The following HAVCR1 variants were observed in gnomAD, a reference collection of about 807,000 sequenced individuals.
HAVCR1 encodes the protein T cell immunoglobin domain and mucin domain protein 1.
A neutral mutation model predicts 32.0 loss-of-function variants in HAVCR1; 34 were observed. The ratio of observed to expected loss-of-function variants is 1.06; its 90% CI spans 0.81 to 1.42. The LOEUF is 1.42. HAVCR1 is among the 40% of genes most tolerant of loss of function. The pLI, the probability that HAVCR1 is intolerant of heterozygous loss-of-function variation, is 0.00. For synonymous variants in HAVCR1, 178 were observed against 170.3 expected (o/e 1.05, Z -0.35); for missense variants, 420 against 442.3 (o/e 0.95, Z 0.45).
In HAVCR1 at chr5:157,052,395, A is replaced by C; in HGVS notation, c.639T>G (p.Pro213=). The C allele has an allele frequency of 6.2e-7, 1 of 1,614,080 alleles. No individual in the cohort carries two copies. The highest frequency in any genetic ancestry group is 8.5e-7 in the Non-Finnish European group (1 of 1,179,994). Residue 213 remains proline (P), a synonymous_variant, in exon 4 of 9, where the codon CCT becomes CCG. Transcript: ENST00000523175. ...GGTTCTGCCTGGGCAAAGGCATTGG[A>C]GGAACAAAGGTAGAGACAGTTGTTG... ...PVTTTVSTFV[P]PMPLPRQNHE...
At chr5:157,048,366 T>C (rs184081916) in intron 5 of HAVCR1, among the ~76,000 whole-genome samples, 1 of 152,296 alleles carries the variant, frequency 6.6e-6, no homozygotes, top group African/African-American at 2.4e-5. Context: ...TGTTTCCAAA[T>C]CACATAAGCT....
At chr5:157,060,873 T>G (rs1756474493), upstream of HAVCR1, among the ~76,000 whole-genome samples, 1 of 151,262 alleles carries the variant, frequency 6.6e-6, no homozygotes, top group African/African-American at 2.4e-5. Flanking sequence ...GCACTTGAAA[T>G]GTGGCTAAGG....
chr5:157,056,134 G>C (rs1225961227), intron 2 of HAVCR1, among the ~76,000 whole-genome samples: 1 of 149,938 alleles, frequency 6.7e-6, no homozygotes, highest in Non-Finnish European at 1.5e-5. Context: ...ATTTTTAGTA[G>C]AGACAGGCTA....
intron 6 of HAVCR1, among the ~76,000 whole-genome samples, chr5:157,041,313 C>T (rs895908814): frequency 6.6e-6 from 1 of 152,046 alleles, no homozygotes; most frequent in Non-Finnish European, 1.5e-5. Flanking sequence ...GCCTGGTAAA[C>T]ATGATGAAAC....
At chr5:157,039,825 G>T (rs1439437798) in intron 6 of HAVCR1, among the ~76,000 whole-genome samples, 1 of 152,110 alleles carries the variant, frequency 6.6e-6, no homozygotes, top group Non-Finnish European at 1.5e-5. Context: ...CCAGGAAAGT[G>T]ACCTACTGGG....
At chr5:157,063,113 T>G (rs1756523208), upstream of HAVCR1, among the ~76,000 whole-genome samples, 3 of 138,322 alleles carry the variant, frequency 2.2e-5, no homozygotes, top group Admixed American at 7.6e-5. Flanking sequence ...CAGAGCGAGA[T>G]TCTGTCTCAA....
rs61734035 is a variant in HAVCR1, at chr5:157,052,513, G to A, written c.521C>T (p.Thr174Met). 2.0e-3 allele frequency: 3,146 copies of A among 1,601,450 alleles called. 61 individuals are homozygous for A. In the African/African-American group the frequency reaches 0.037, roughly 19 times the overall value. ...TTVPTTMSIP[T>M]TTTVLTTMTV... The stretch of plus-strand genomic sequence containing the variant: ...CATTGTCGTCAGAACAGTCGTTGTC[G>A]TTGGAATGCTCATTGTTGTTGGAAC... The change falls in exon 4 of 9, where the codon ACG (threonine) becomes ATG (methionine). Residue 174 changes from threonine (T) to methionine (M), a missense_variant. Physicochemically the swap from Thr to Met is moderately conservative, Grantham distance 81. Coordinates refer to ENST00000523175, the MANE Select transcript of HAVCR1 (RefSeq NM_001173393.3).
chr5:157,056,069 C>T (rs539926733), intron 2 of HAVCR1, among the ~76,000 whole-genome samples: 3 of 152,012 alleles, frequency 2.0e-5, no homozygotes, highest in African/African-American at 7.2e-5. Context: ...CATGCATCAG[C>T]CTCCCAAGTA....
intron 8 of HAVCR1, 59 bp from the exon 9 acceptor site, chr5:157,029,900 C>T (rs1251853562): frequency 1.4e-6 from 2 of 1,428,406 alleles, no homozygotes; most frequent in Non-Finnish European, 9.7e-7. Flanking sequence ...CCACTTCTCA[C>T]ATATAAGCTG....
upstream of HAVCR1, among the ~76,000 whole-genome samples, chr5:157,059,708 G>C (rs895889250): frequency 9.2e-5 from 14 of 152,200 alleles, no homozygotes; most frequent in African/African-American, 2.4e-4. Context: ...TTCTTGCCAG[G>C]CACAGTGGCT....
chr5:157,030,664 G>A (rs1193679609), intron 8 of HAVCR1, among the ~76,000 whole-genome samples: 1 of 152,194 alleles, frequency 6.6e-6, no homozygotes, highest in African/African-American at 2.4e-5. Context: ...GAAATCAGTA[G>A]AAACAGTGGA....
In HAVCR1 at chr5:157,052,621, A is replaced by G. The variant is rs539099893; in HGVS notation, c.413T>C (p.Val138Ala). ...KVTTTPIVTT[V>A]PTVTTVRTST... ...CGTTCGAACAGTCGTGACGGTTGGA[A>G]CAGTTGTGACAATTGGAGTAGTCGT... Residue 138 changes from valine (V) to alanine (A), a missense_variant, in exon 4 of 9, where the codon GTT becomes GCT. Val to Ala is a moderately conservative substitution (Grantham distance 64). Transcript: ENST00000523175. 1 of 1,614,114 alleles carries G rather than the reference A, an allele frequency of 6.2e-7. No homozygotes were observed. Among genetic ancestry groups the G allele is most frequent in the African/African-American group, 1.3e-5 (1 of 75,044 alleles).
chr5:157,044,468 AAAGG>A lies in HAVCR1; in HGVS notation c.782-1790_782-1787del, dbSNP rs201451883. Among the ~76,000 whole-genome samples the A allele has an allele frequency of 1.6e-3, 99 of 62,970 alleles. 5 individuals are homozygous for A. Among genetic ancestry groups the A allele is most frequent in the Middle Eastern group, 0.012 (1 of 82 alleles). 41.3% of individuals were successfully genotyped at this position (62,970 alleles called of 152,430 possible). On this transcript the variant is annotated intron_variant, in intron 5 of 8. Coordinates refer to ENST00000523175, the MANE Select transcript of HAVCR1 (RefSeq NM_001173393.3). Reference sequence around the variant, plus strand: ...GAAAGAAAGAAAGAAAGAAAGAAAGAAAGGAAGGAAGGAAGGAAGGAAGGAAGGA... The same window carrying A: ...GAAAGAAAGAAAGAAAGAAAGAAAGAAAGGAAGGAAGGAAGGAAGGAAGGA...
At chr5:157,039,924 A>T (rs1043970826) in intron 6 of HAVCR1, among the ~76,000 whole-genome samples, 1 of 152,198 alleles carries the variant, frequency 6.6e-6, no homozygotes, top group East Asian at 1.9e-4. Context: ...AGTTTCTGCT[A>T]CTGCCAACCT....
intron 7 of HAVCR1, among the ~76,000 whole-genome samples, chr5:157,037,028 C>A (rs984625676): frequency 1.3e-5 from 2 of 152,146 alleles, no homozygotes; most frequent in Non-Finnish European, 2.9e-5. Flanking sequence ...CCACACCCAG[C>A]TCCCATTCTT....
the HAVCR1 span, among the ~76,000 whole-genome samples, chr5:157,064,881 A>C: frequency 6.6e-6 from 1 of 152,136 alleles, no homozygotes; most frequent in Non-Finnish European, 1.5e-5. Flanking sequence ...AAAAACAAAA[A>C]ACAAAAAACA....
chr5:157,057,828 C>T, intron 2 of HAVCR1, 70 bp downstream of exon 2: 1 of 1,128,276 alleles, frequency 8.9e-7, no homozygotes, highest in South Asian at 1.2e-5. Flanking sequence ...CTCCCCTTCC[C>T]CTACCCCATT....
intron 4 of HAVCR1, 144 bp from the exon 5 acceptor site, chr5:157,049,289 GCTTCTACCGACCCA>G: frequency 1.5e-6 from 1 of 652,756 alleles, no homozygotes. Context: ...GGCATGCAGG[GCTTCTACCGACCCA>G]CTTCTGAACC....
chr5:157,061,373 CTG>C (rs1480599735), upstream of HAVCR1, among the ~76,000 whole-genome samples: 1 of 152,092 alleles, frequency 6.6e-6, no homozygotes, highest in Non-Finnish European at 1.5e-5. Flanking sequence ...CACATAGTGA[CTG>C]TGTTGTGTGG....
Sources: gnomAD v4.1 joint callset for allele counts (sites outside exome capture counted in the v4.1 genomes callset) on GRCh38, gnomAD v4.1.1 for gene constraint, MANE v1.5 for transcripts, NCBI Gene and HGNC (gene_info 2026-07-23, HGNC 2026-07-21) for gene names.